Variants in CACNG1 observed in about 807,000 individuals in gnomAD.
CACNG1 encodes the protein calcium voltage-gated channel auxiliary subunit gamma 1.
CACNG1 carries 21 observed loss-of-function variants against 22.0 expected under a neutral mutation model. The ratio of observed to expected loss-of-function variants is 0.95; its 90% CI spans 0.68 to 1.37. CACNG1 has a LOEUF of 1.37. Among genes scored for constraint, CACNG1 ranks in the 40% most tolerant of loss-of-function variants. The probability of loss-of-function intolerance (pLI) is 0.00; values close to 1 mark genes in which losing one functional copy is unlikely to be tolerated. For missense variants in CACNG1, 291 were observed against 308.6 expected, an observed-to-expected ratio of 0.94 and a Z score of 0.43; for synonymous variants, 127 against 129.2, an observed-to-expected ratio of 0.98 and a Z score of 0.12.
chr17:67,047,063 G>A (rs1194789564), intron 1 of CACNG1, among the ~76,000 whole-genome samples: 2 of 152,112 alleles, frequency 1.3e-5, no homozygotes, highest in Non-Finnish European at 2.9e-5. Context: ...TGTGCTCCCT[G>A]GGACCACTCT....
rs2143404080 is a variant in CACNG1, at chr17:67,044,767, G to A, written c.107G>A (p.Ser36Asn). 3 of 1,613,216 alleles carry A rather than the reference G, an allele frequency of 1.9e-6. No homozygotes were observed. The highest frequency in any genetic ancestry group is 2.2e-5 in the East Asian group (1 of 44,876). Reference protein sequence around the residue: ...AVVTDHWAVLSPHMEHHNTTC... With the variant: ...AVVTDHWAVLNPHMEHHNTTC... Reference sequence around the variant, plus strand: ...GTAACCGACCACTGGGCTGTGCTGAGCCCCCACATGGAGCACCACAACACT... The same window carrying A: ...GTAACCGACCACTGGGCTGTGCTGAACCCCCACATGGAGCACCACAACACT... The change falls in exon 1 of 4, where the codon AGC (serine) becomes AAC (asparagine). Residue 36 changes from serine to asparagine, a missense_variant. By Grantham distance (46) the Ser-to-Asn change is conservative. Coordinates refer to ENST00000226021, the MANE Select transcript of CACNG1 (RefSeq NM_000727.4). This position sits in a 1 kb window ranked among gnomAD's most constrained non-coding sequence, Gnocchi z 6.9.
intron 1 of CACNG1, among the ~76,000 whole-genome samples, chr17:67,051,095 ACTGAGAGT>A (rs1050365965): frequency 6.6e-6 from 1 of 152,174 alleles, no homozygotes; most frequent in Non-Finnish European, 1.5e-5. Flanking sequence ...AGGCAGGAAG[ACTGAGAGT>A]CTGCACAGGA....
In CACNG1 at chr17:67,055,905, G is replaced by A; in HGVS notation, c.443-140G>A. ...GGTGGACAAATGGATCCTTCTGCAG[G>A]TTCCCATCTAGAACCTGCCTTGAGG... is the stretch of plus-strand genomic sequence containing the variant. On this transcript the variant is annotated intron_variant, in intron 3 of 3. Transcript: ENST00000226021. This position sits in a 1 kb window ranked among gnomAD's most constrained non-coding sequence, Gnocchi z 4.5. The A allele has an allele frequency of 1.6e-6, 1 of 643,684 alleles. No individual in the cohort carries two copies. The highest frequency in any genetic ancestry group is 2.7e-6 in the Non-Finnish European group (1 of 366,514). 39.9% of individuals were successfully genotyped at this position (643,684 alleles called of 1,614,324 possible).
In CACNG1 at chr17:67,055,336, G is replaced by C. The variant is rs1311745093; in HGVS notation, c.442+96G>C. The C allele has an allele frequency of 2.1e-6, 3 of 1,409,550 alleles. No individual in the cohort carries two copies. The highest frequency in any genetic ancestry group is 2.4e-5 in the East Asian group (1 of 42,360). The allele number at this position is 1,409,550 out of a possible 1,614,324, so 87.3% of individuals were successfully genotyped here. ...CATGCCCACCGCGAGATTTGGGTGA[G>C]GGGCATTTCCCAGGCTCCATCCCCA... is the stretch of plus-strand genomic sequence containing the variant. On this transcript the variant is annotated intron_variant, in intron 3 of 3. Transcript: ENST00000226021. The surrounding 1 kb of genome is among the most constrained non-coding windows in gnomAD (Gnocchi z 4.5).
chr17:67,050,461 TA>T (rs1406428636), intron 1 of CACNG1, among the ~76,000 whole-genome samples: 1 of 152,264 alleles, frequency 6.6e-6, no homozygotes, highest in African/African-American at 2.4e-5. Context: ...ACCAAAAGGC[TA>T]AAAACAACAC....
intron 1 of CACNG1, among the ~76,000 whole-genome samples, chr17:67,051,682 C>T (rs540434521): frequency 6.6e-5 from 10 of 152,232 alleles, no homozygotes; most frequent in Admixed American, 1.3e-4. Flanking sequence ...AGCATCCCCC[C>T]AGAAGCTCAC....
intron 1 of CACNG1, among the ~76,000 whole-genome samples, chr17:67,051,911 G>A (rs1028748097): frequency 1.3e-5 from 2 of 152,230 alleles, no homozygotes; most frequent in African/African-American, 4.8e-5. Flanking sequence ...CCTCCGCTGG[G>A]AAGGATTTTA....
intron 1 of CACNG1, among the ~76,000 whole-genome samples, chr17:67,045,150 C>A (rs1485756986): frequency 6.6e-6 from 1 of 152,222 alleles, no homozygotes; most frequent in Non-Finnish European, 1.5e-5. Context: ...GAGAGCTGGG[C>A]AGGCTCAAGA....
intron 1 of CACNG1, among the ~76,000 whole-genome samples, chr17:67,052,779 CTT>C (rs923163725): frequency 4.9e-5 from 7 of 143,380 alleles, no homozygotes; most frequent in Non-Finnish European, 3.1e-5. Context: ...TAAGACTGTG[CTT>C]TTTTTTTTTT....
In CACNG1 at chr17:67,055,293, G is replaced by A. The variant is rs1369450102; in HGVS notation, c.442+53G>A. On this transcript the variant is annotated intron_variant, in intron 3 of 3. Coordinates refer to ENST00000226021, the MANE Select transcript of CACNG1 (RefSeq NM_000727.4). This position sits in a 1 kb window ranked among gnomAD's most constrained non-coding sequence, Gnocchi z 4.5. Reference sequence around the variant, plus strand: ...GGGGCCGGGGGACCATGTCGCGGGGGATTCTCCGCTCCACCCTCATGCCCA... The same window carrying A: ...GGGGCCGGGGGACCATGTCGCGGGGAATTCTCCGCTCCACCCTCATGCCCA... 4 of 1,569,924 alleles carry A rather than the reference G, an allele frequency of 2.5e-6. No homozygotes were observed. Among genetic ancestry groups the A allele is most frequent in the Non-Finnish European group, 3.5e-6 (4 of 1,151,300 alleles).
In CACNG1 at chr17:67,056,078, G is replaced by A. The variant is rs989368247; in HGVS notation, c.476G>A (p.Arg159Gln). 8.1e-6 allele frequency: 13 copies of A among 1,611,744 alleles called. No individual in the cohort carries two copies. Among genetic ancestry groups the A allele is most frequent in the Admixed American group, 1.7e-5 (1 of 59,908 alleles). ...LCILVSVEVM[R>Q]QSVKRMIDSE... ...ATCCTCGTCTCGGTGGAGGTCATGC[G>A]GCAGTCGGTGAAGCGCATGATTGAC... The change falls in exon 4 of 4, where the codon CGG (arginine) becomes CAG (glutamine). Residue 159 changes from arginine (R) to glutamine (Q), a missense_variant. Coordinates refer to ENST00000226021, the MANE Select transcript of CACNG1 (RefSeq NM_000727.4). This position sits in a 1 kb window ranked among gnomAD's most constrained non-coding sequence, Gnocchi z 4.3.
chr17:67,049,382 A>G (rs1476749554), intron 1 of CACNG1, among the ~76,000 whole-genome samples: 1 of 152,210 alleles, frequency 6.6e-6, no homozygotes, highest in African/African-American at 2.4e-5. Flanking sequence ...TGACAAGGTA[A>G]CACAGGTGAT....
At chr17:67,047,993 T>A (rs933634774) in intron 1 of CACNG1, among the ~76,000 whole-genome samples, 2 of 152,206 alleles carry the variant, frequency 1.3e-5, no homozygotes, top group Admixed American at 1.3e-4. Flanking sequence ...AGAGGCATTG[T>A]TGCCAAGCGT....
rs2035758745 is a variant in CACNG1 at position 67,055,967 on chromosome 17, A to T, written c.443-78A>T. ...CCAAGGCAAGGTCACCGCCTCCTCC[A>T]TGCACACAGGCTGGGATGGGGCTGG... On this transcript the variant is annotated intron_variant, in intron 3 of 3. Transcript: ENST00000226021. The surrounding 1 kb of genome is among the most constrained non-coding windows in gnomAD (Gnocchi z 4.5). 6 of 1,213,670 alleles carry T rather than the reference A, an allele frequency of 4.9e-6. No individual in the cohort carries two copies. The highest frequency in any genetic ancestry group is 2.3e-5 in the East Asian group (1 of 42,844). 75.2% of individuals were successfully genotyped at this position (1,213,670 alleles called of 1,614,324 possible).
At chr17:67,052,381 G>A (rs1567766672) in intron 1 of CACNG1, among the ~76,000 whole-genome samples, 1 of 152,294 alleles carries the variant, frequency 6.6e-6, no homozygotes, top group East Asian at 1.9e-4. Flanking sequence ...TGGCTCTGGG[G>A]GGAAGGAGGG....
intron 1 of CACNG1, among the ~76,000 whole-genome samples, chr17:67,047,603 C>A (rs2035704574): frequency 6.6e-6 from 1 of 152,184 alleles, no homozygotes. Flanking sequence ...TTCTGTTTGA[C>A]CTGACTCTGA....
chr17:67,056,147 T>C lies in CACNG1; in HGVS notation c.545T>C (p.Phe182Ser), dbSNP rs2035760215. ...VWIEYYYSWS[F>S]ACACAAFILL... ...ATCGAGTACTATTACTCCTGGTCCT[T>C]TGCCTGCGCCTGTGCCGCCTTCATC... The change falls in exon 4 of 4, where the codon TTT becomes TCT. Residue 182 changes from phenylalanine to serine, a missense_variant. Transcript: ENST00000226021. The surrounding 1 kb of genome is among the most constrained non-coding windows in gnomAD (Gnocchi z 4.3). The C allele has an allele frequency of 1.9e-6, 3 of 1,613,846 alleles. No homozygotes were observed. Among genetic ancestry groups the C allele is most frequent in the Non-Finnish European group, 2.5e-6 (3 of 1,179,990 alleles).
chr17:67,045,467 ATGTC>A (rs1032990819), intron 1 of CACNG1, among the ~76,000 whole-genome samples: 1 of 151,482 alleles, frequency 6.6e-6, no homozygotes, highest in African/African-American at 2.4e-5. Flanking sequence ...CACAGGTTGA[ATGTC>A]TGTGAAGCAG....
intron 1 of CACNG1, 70 bp from the exon 2 acceptor site, chr17:67,053,926 C>A: frequency 1.8e-6 from 2 of 1,130,598 alleles, no homozygotes; most frequent in South Asian, 1.2e-5. Flanking sequence ...TGACACCACG[C>A]TCTCTGCCAG....
Sources: allele counts gnomAD v4.1 joint callset (sites outside exome capture counted in the v4.1 genomes callset), GRCh38; gene constraint gnomAD v4.1.1; non-coding constraint Gnocchi (gnomAD v3.1); transcripts MANE v1.5; gene names NCBI Gene and HGNC (gene_info 2026-07-23, HGNC 2026-07-21).